CAST: variants seen among roughly 807,000 people sequenced by gnomAD.
CAST encodes calpastatin, also known as MIR583 host.
In CAST, 76 loss-of-function variants were observed where a neutral mutation model predicts 119.6. The ratio of observed to expected loss-of-function variants is 0.64; its 90% CI spans 0.53 to 0.77. The LOEUF is 0.77. CAST is among the 30% of genes least tolerant of loss of function. The pLI is 0.00. For missense variants in CAST, 953 were observed against 946.5 expected (o/e 1.01, Z -0.09); for synonymous variants, 319 against 331.6 (o/e 0.96, Z 0.41).
chr5:96,553,819 A>T (rs904285656), intron 1 of CAST, among the ~76,000 whole-genome samples: 1 of 152,222 alleles, frequency 6.6e-6, no homozygotes, highest in Non-Finnish European at 1.5e-5. Context: ...TACTAAGAGA[A>T]TAAAATAGCT....
At chr5:96,348,114 G>C in the CAST span, among the ~76,000 whole-genome samples, 2 of 152,112 alleles carry the variant, frequency 1.3e-5, no homozygotes, top group African/African-American at 4.8e-5. Context: ...TGCATTCATC[G>C]GATGTAGTAT....
At chr5:96,274,123 A>T in the CAST span, among the ~76,000 whole-genome samples, 1 of 149,680 alleles carries the variant, frequency 6.7e-6, no homozygotes, top group Non-Finnish European at 1.5e-5. Context: ...TCTTTTTGAG[A>T]CAGAGTCTTA....
chr5:96,357,654 A>G, the CAST span, among the ~76,000 whole-genome samples: 1 of 152,226 alleles, frequency 6.6e-6, no homozygotes, highest in African/African-American at 2.4e-5. Context: ...CGTATGTTGA[A>G]GCAGCCTTGC....
At chr5:96,003,469 C>T in the CAST span, among the ~76,000 whole-genome samples, 5 of 142,604 alleles carry the variant, frequency 3.5e-5, no homozygotes, top group East Asian at 2.1e-4. Flanking sequence ...ACCTGGGAGG[C>T]GGAGCTTGCA....
chr5:96,451,979 A>G, the CAST span, among the ~76,000 whole-genome samples: 76 of 152,378 alleles, frequency 5.0e-4, 1 homozygote, highest in African/African-American at 1.8e-3. Context: ...ATCATTAAAA[A>G]GTCAGGAAAC....
At chr5:96,159,471 A>G in the CAST span, among the ~76,000 whole-genome samples, 2 of 152,232 alleles carry the variant, frequency 1.3e-5, no homozygotes, top group African/African-American at 4.8e-5. Flanking sequence ...TGATGAAACG[A>G]TGTACAAAGA....
At chr5:96,601,033 A>G (rs1204256993) in intron 1 of CAST, among the ~76,000 whole-genome samples, 2 of 151,844 alleles carry the variant, frequency 1.3e-5, no homozygotes, top group African/African-American at 2.4e-5. Flanking sequence ...TCCGCTATCT[A>G]TCTTTCTCTG....
At chr5:96,172,095 G>T in the CAST span, among the ~76,000 whole-genome samples, 2 of 152,222 alleles carry the variant, frequency 1.3e-5, no homozygotes, top group Admixed American at 6.5e-5. Flanking sequence ...GATGGGGTGG[G>T]GCTGTTTTAT....
chr5:96,379,074 T>A, the CAST span, among the ~76,000 whole-genome samples: 1 of 152,292 alleles, frequency 6.6e-6, no homozygotes. Flanking sequence ...TTTGCCAAAA[T>A]TTCTATTTCC....
rs1010048520 is a variant in CAST, at chr5:96,684,917, A to G, written c.138+9316A>G. 3.3e-5 allele frequency among the ~76,000 whole-genome samples: 5 copies of G among 152,170 alleles called. No individual in the cohort carries two copies. In the East Asian group the frequency reaches 7.7e-4, roughly 23 times the overall value. On this transcript the variant is annotated intron_variant, in intron 2 of 31. Coordinates refer to ENST00000675179, the MANE Select transcript of CAST (RefSeq NM_001750.7). ...CTGTTTTATCAGAAGCTAAGGATGT[A>G]CTTTTTAAAAAGAATATGAAAATAA...
chr5:95,989,814 A>G, the CAST span, among the ~76,000 whole-genome samples: 2 of 152,216 alleles, frequency 1.3e-5, no homozygotes, highest in South Asian at 2.1e-4. Context: ...TGAGAGGTCA[A>G]CAGTAAAGAT....
the CAST span, among the ~76,000 whole-genome samples, chr5:96,401,945 G>C: frequency 2.0e-5 from 3 of 152,288 alleles, no homozygotes; most frequent in African/African-American, 7.2e-5. Flanking sequence ...CTAGTCATCA[G>C]TCAGATTCTC....
chr5:96,268,375 C>T, the CAST span, among the ~76,000 whole-genome samples: 1 of 152,066 alleles, frequency 6.6e-6, no homozygotes, highest in African/African-American at 2.4e-5. Flanking sequence ...AAGTTCGGGC[C>T]CAGTCTGGGC....
chr5:96,061,065 C>G, the CAST span, among the ~76,000 whole-genome samples: 34 of 152,190 alleles, frequency 2.2e-4, no homozygotes, highest in Admixed American at 8.5e-4. Flanking sequence ...CGTTAGGACT[C>G]CATTCAACCT....
At chr5:96,468,844 A>C in the CAST span, among the ~76,000 whole-genome samples, 1 of 152,086 alleles carries the variant, frequency 6.6e-6, no homozygotes, top group Non-Finnish European at 1.5e-5. Flanking sequence ...AGGTAGAAAA[A>C]TGTATCTTTC....
intron 5 of CAST, 31 bp downstream of exon 5, chr5:96,726,890 T>C (rs1759351347): frequency 6.7e-7 from 1 of 1,500,228 alleles, no homozygotes; most frequent in Non-Finnish European, 9.3e-7. Context: ...AGGGCATCTC[T>C]GTTTACTAAC....
chr5:96,217,221 T>TTTTTTTTTA, the CAST span, among the ~76,000 whole-genome samples: 5 of 149,712 alleles, frequency 3.3e-5, no homozygotes, highest in South Asian at 2.1e-4. Context: ...TTTTTTTTTT[T>TTTTTTTTTA]ATAGAGATGA....
At chr5:95,962,468 C>G in the CAST span, among the ~76,000 whole-genome samples, 1 of 152,174 alleles carries the variant, frequency 6.6e-6, no homozygotes, top group African/African-American at 2.4e-5. Context: ...TCACTCTAAA[C>G]TTGAAGTTAT....
chr5:96,404,012 T>C, the CAST span, among the ~76,000 whole-genome samples: 1 of 152,226 alleles, frequency 6.6e-6, no homozygotes, highest in Non-Finnish European at 1.5e-5. Context: ...CTGATTCTTT[T>C]GATCTCTCCT....
Sources: gnomAD v4.1 joint callset for allele counts (sites outside exome capture counted in the v4.1 genomes callset) on GRCh38, gnomAD v4.1.1 for gene constraint, MANE v1.5 for transcripts, NCBI Gene and HGNC (gene_info 2026-07-23, HGNC 2026-07-21) for gene names.